AGMO: variants seen among roughly 807,000 people sequenced by gnomAD.
The protein encoded by AGMO is glyceryl-ether monooxygenase.
A neutral mutation model predicts 60.2 loss-of-function variants in AGMO; 75 were observed. That is an observed-to-expected ratio of 1.25 (90% CI 1.03 to 1.51). The LOEUF (loss-of-function observed/expected upper bound fraction) is 1.51, where lower values mean the gene tolerates loss of function less well. AGMO is among the 40% of genes most tolerant of loss of function. The pLI, the probability that AGMO is intolerant of heterozygous loss-of-function variation, is 0.00. For synonymous variants in AGMO, 261 were observed against 177.1 expected, an observed-to-expected ratio of 1.47 and a Z score of -3.76; for missense variants, 763 against 525.5, an observed-to-expected ratio of 1.45 and a Z score of -4.42.
chr7:15,318,549 C>G (rs1781011356), intron 12 of AGMO, among the ~76,000 whole-genome samples: 1 of 151,924 alleles, frequency 6.6e-6, no homozygotes, highest in Non-Finnish European at 1.5e-5. Flanking sequence ...AAGCTAGTGT[C>G]AAAAGATGAT....
intron 12 of AGMO, among the ~76,000 whole-genome samples, chr7:15,203,945 C>A (rs1781374622): frequency 6.6e-6 from 1 of 152,098 alleles, no homozygotes. Context: ...AACCGCTAGG[C>A]TTCTGAGACC....
chr7:15,466,651 T>G (rs79587773), intron 3 of AGMO, among the ~76,000 whole-genome samples: 4 of 152,130 alleles, frequency 2.6e-5, no homozygotes, highest in Non-Finnish European at 5.9e-5. Flanking sequence ...CTGGGTGACA[T>G]TGAATTCTCT....
At chr7:15,353,236 G>A (rs1782325414) in intron 12 of AGMO, among the ~76,000 whole-genome samples, 1 of 152,130 alleles carries the variant, frequency 6.6e-6, no homozygotes, top group South Asian at 2.1e-4. Flanking sequence ...CCACGAATAA[G>A]TCATGTAATA....
intron 12 of AGMO, among the ~76,000 whole-genome samples, chr7:15,202,129 C>G (rs1024805762): frequency 6.6e-6 from 1 of 152,008 alleles, no homozygotes; most frequent in African/African-American, 2.4e-5. Context: ...GCCAAAACAA[C>G]CAGAGTTATT....
the AGMO span, among the ~76,000 whole-genome samples, chr7:15,183,429 A>T: frequency 6.6e-6 from 1 of 152,184 alleles, no homozygotes; most frequent in Non-Finnish European, 1.5e-5. Flanking sequence ...ACAATAGACA[A>T]AATGTTAATT....
intron 12 of AGMO, among the ~76,000 whole-genome samples, chr7:15,268,412 G>A (rs766271858): frequency 6.6e-6 from 1 of 151,974 alleles, no homozygotes; most frequent in African/African-American, 2.4e-5. Context: ...TCCTTTTGGA[G>A]TCTGTGCAGA....
intron 12 of AGMO, among the ~76,000 whole-genome samples, chr7:15,313,097 T>C (rs1453084822): frequency 2.0e-5 from 3 of 152,192 alleles, no homozygotes; most frequent in Non-Finnish European, 4.4e-5. Context: ...ACATTCACTG[T>C]GAAACATAAC....
At chr7:15,392,246 AT>A (rs201100764) in intron 6 of AGMO, among the ~76,000 whole-genome samples, 1 of 150,854 alleles carries the variant, frequency 6.6e-6, no homozygotes, top group African/African-American at 2.4e-5. Flanking sequence ...ATTTTTCTGT[AT>A]TTTTTTTAGT....
chr7:15,402,062 A>G (rs139486705), intron 5 of AGMO, among the ~76,000 whole-genome samples: 2 of 152,116 alleles, frequency 1.3e-5, no homozygotes, highest in African/African-American at 4.8e-5. Flanking sequence ...TCATACATTT[A>G]TTATCTGATA....
chr7:15,548,865 G>A (rs1287984569), intron 2 of AGMO, among the ~76,000 whole-genome samples: 1 of 151,956 alleles, frequency 6.6e-6, no homozygotes, highest in Non-Finnish European at 1.5e-5. Flanking sequence ...ACATAATTGT[G>A]AGATTCACCA....
chr7:15,389,558 G>A lies in AGMO; in HGVS notation c.822+1113C>T, dbSNP rs577472039. Among the ~76,000 whole-genome samples, 12 of 152,270 alleles carry A rather than the reference G, an allele frequency of 7.9e-5. No individual in the cohort carries two copies. The East Asian group carries it at 1.7e-3, about 22-fold the overall frequency. On this transcript the variant is annotated intron_variant, in intron 8 of 12. Coordinates refer to ENST00000342526, the MANE Select transcript of AGMO (RefSeq NM_001004320.2). ...CCACCTTTCTTCTTTTGGTGTACGAGGAGATAAAAATGCCTTTCACTGAAC... is the reference window on the plus strand; with the variant it reads ...CCACCTTTCTTCTTTTGGTGTACGAAGAGATAAAAATGCCTTTCACTGAAC...
intron 3 of AGMO, among the ~76,000 whole-genome samples, chr7:15,453,652 A>C (rs1462185790): frequency 6.6e-6 from 1 of 152,206 alleles, no homozygotes; most frequent in African/African-American, 2.4e-5. Context: ...AAGTCAGAAA[A>C]ACCTAGAAGG....
At chr7:15,128,273 T>G in the AGMO span, among the ~76,000 whole-genome samples, 12 of 152,096 alleles carry the variant, frequency 7.9e-5, no homozygotes, top group Non-Finnish European at 1.5e-4. Context: ...TGGTTATATC[T>G]CCATACAGCT....
intron 3 of AGMO, among the ~76,000 whole-genome samples, chr7:15,449,348 C>G (rs1477852609): frequency 1.3e-5 from 2 of 152,012 alleles, no homozygotes; most frequent in Non-Finnish European, 2.9e-5. Flanking sequence ...CTCTCTCTCT[C>G]TCTCTCTCTC....
At chr7:15,302,499 A>G (rs935368382) in intron 12 of AGMO, among the ~76,000 whole-genome samples, 24 of 152,220 alleles carry the variant, frequency 1.6e-4, no homozygotes, top group African/African-American at 4.1e-4. Flanking sequence ...AGAACTTAAT[A>G]AGAACAAACT....
chr7:15,184,479 A>AGGAG, the AGMO span, among the ~76,000 whole-genome samples: 1 of 81,342 alleles, frequency 1.2e-5, no homozygotes, highest in Non-Finnish European at 2.4e-5. Context: ...AGGAAGGAAA[A>AGGAG]GGAGGGAGGG....
At chr7:15,318,655 T>C (rs966364781) in intron 12 of AGMO, among the ~76,000 whole-genome samples, 2 of 152,188 alleles carry the variant, frequency 1.3e-5, no homozygotes, top group Admixed American at 6.6e-5. Context: ...ATGAGCTTTA[T>C]CTGTAGGATC....
At chr7:15,301,565 C>T (rs1784560377) in intron 12 of AGMO, among the ~76,000 whole-genome samples, 1 of 151,842 alleles carries the variant, frequency 6.6e-6, no homozygotes, top group Admixed American at 6.6e-5. Flanking sequence ...AAAACCAATA[C>T]AATAAGTGGT....
At chr7:15,395,052 C>G (rs1478643652) in intron 5 of AGMO, among the ~76,000 whole-genome samples, 1 of 152,100 alleles carries the variant, frequency 6.6e-6, no homozygotes, top group African/African-American at 2.4e-5. Flanking sequence ...ATGAATAATA[C>G]TGGACAATTT....
Sources: gnomAD v4.1 joint callset for allele counts (sites outside exome capture counted in the v4.1 genomes callset) on GRCh38, gnomAD v4.1.1 for gene constraint, MANE v1.5 for transcripts, NCBI Gene and HGNC (gene_info 2026-07-23, HGNC 2026-07-21) for gene names.